Variants in ADAMTSL1 observed in about 807,000 individuals in gnomAD.
The protein encoded by ADAMTSL1 is ADAMTS-like protein 1.
A neutral mutation model predicts 201.8 loss-of-function variants in ADAMTSL1; 126 were observed. The ratio of observed to expected loss-of-function variants is 0.62; its 90% confidence interval spans 0.54 to 0.72. The LOEUF is 0.72. ADAMTSL1 is among the 30% of genes least tolerant of loss of function. ADAMTSL1 has a pLI of 0.00. For missense variants in ADAMTSL1, 2,679 were observed against 2,277.8 expected, an observed-to-expected ratio of 1.18 and a Z score of -3.59; for synonymous variants, 1,121 against 903.4, an observed-to-expected ratio of 1.24 and a Z score of -4.32.
chr9:18,851,834 A>C (rs1826513934), intron 23 of ADAMTSL1, among the ~76,000 whole-genome samples: 1 of 152,154 alleles, frequency 6.6e-6, no homozygotes, highest in South Asian at 2.1e-4. Context: ...TGTACCAGTT[A>C]AACTCCACCA....
chr9:17,963,737 G>T (rs1432882405), intron 1 of ADAMTSL1, among the ~76,000 whole-genome samples: 1 of 152,096 alleles, frequency 6.6e-6, no homozygotes, highest in African/African-American at 2.4e-5. Context: ...ATGGGCCTTT[G>T]TCCCTCTAGC....
At chr9:18,812,065 C>A (rs1201338973) in intron 20 of ADAMTSL1, among the ~76,000 whole-genome samples, 1 of 152,118 alleles carries the variant, frequency 6.6e-6, no homozygotes, top group Non-Finnish European at 1.5e-5. Context: ...CTGTCATAAT[C>A]TTACTAATAT....
chr9:18,132,159 T>C (rs113535922), intron 1 of ADAMTSL1, among the ~76,000 whole-genome samples: 53 of 152,206 alleles, frequency 3.5e-4, no homozygotes, highest in African/African-American at 1.2e-3. Context: ...ATGCCCTACT[T>C]TACTTCCTGT....
chr9:18,664,730 A>G (rs1829324751), intron 9 of ADAMTSL1, among the ~76,000 whole-genome samples: 1 of 152,078 alleles, frequency 6.6e-6, no homozygotes. Flanking sequence ...TGTCATTGAC[A>G]GCAAAAACCG....
rs201639816 is a variant in ADAMTSL1, at chr9:18,835,269, T to C, written c.4249+5292T>C. Among the ~76,000 whole-genome samples the C allele has an allele frequency of 7.9e-5, 12 of 152,282 alleles. No individual in the cohort carries two copies. In the East Asian group the frequency reaches 2.3e-3, roughly 29 times the overall value. On this transcript the variant is annotated intron_variant, in intron 23 of 28. Transcript: ENST00000380548. ...TTTATTTGCCATCCTGATTTCTTCTTTGGTAAAATGTCTGCTCAATTTTTT... is the reference window on the plus strand; with the variant it reads ...TTTATTTGCCATCCTGATTTCTTCTCTGGTAAAATGTCTGCTCAATTTTTT...
intron 3 of ADAMTSL1, among the ~76,000 whole-genome samples, chr9:18,536,745 G>A (rs1446541607): frequency 1.3e-5 from 2 of 152,186 alleles, no homozygotes; most frequent in Non-Finnish European, 2.9e-5. Flanking sequence ...ATAGGTGTGA[G>A]CTAGCAAACC....
intron 2 of ADAMTSL1, among the ~76,000 whole-genome samples, chr9:18,348,404 G>T (rs978315851): frequency 1.3e-5 from 2 of 152,150 alleles, no homozygotes; most frequent in African/African-American, 4.8e-5. Context: ...TGTTTAGGAT[G>T]AATTTTGGAT....
intron 2 of ADAMTSL1, among the ~76,000 whole-genome samples, chr9:18,285,867 ACT>A (rs1369061987): frequency 6.6e-6 from 1 of 152,128 alleles, no homozygotes; most frequent in African/African-American, 2.4e-5. Context: ...GTACAATAAA[ACT>A]CACCCATTTA....
chr9:18,668,848 G>T (rs980664038), intron 9 of ADAMTSL1, among the ~76,000 whole-genome samples: 2 of 152,168 alleles, frequency 1.3e-5, no homozygotes, highest in Non-Finnish European at 2.9e-5. Flanking sequence ...ACAGTCCCTA[G>T]GTTAGCGGGC....
chr9:17,978,990 G>A (rs1482723634), intron 1 of ADAMTSL1, among the ~76,000 whole-genome samples: 1 of 149,226 alleles, frequency 6.7e-6, no homozygotes, highest in Non-Finnish European at 1.5e-5. Flanking sequence ...CATTTTTCAT[G>A]TGTCACTGCA....
chr9:18,448,028 T>G (rs778422287), intron 2 of ADAMTSL1, among the ~76,000 whole-genome samples: 2 of 132,872 alleles, frequency 1.5e-5, no homozygotes, highest in Admixed American at 7.3e-5. Flanking sequence ...TCTCGCTCTT[T>G]CTCTCTCTCT....
intron 14 of ADAMTSL1, among the ~76,000 whole-genome samples, chr9:18,708,111 A>G (rs1832336372): frequency 6.6e-6 from 1 of 152,202 alleles, no homozygotes; most frequent in Non-Finnish European, 1.5e-5. Context: ...TAACCGGTGG[A>G]AAAAAGCACT....
chr9:18,806,639 T>C (rs1262726372), intron 20 of ADAMTSL1, among the ~76,000 whole-genome samples: 2 of 152,198 alleles, frequency 1.3e-5, no homozygotes, highest in African/African-American at 4.8e-5. Context: ...CAAACACATA[T>C]GTTCAGATTT....
intron 1 of ADAMTSL1, among the ~76,000 whole-genome samples, chr9:17,996,296 CTTGACTGGCT>C (rs1018081445): frequency 6.6e-6 from 1 of 151,970 alleles, no homozygotes; most frequent in African/African-American, 2.4e-5. Flanking sequence ...GAACACAGAC[CTTGACTGGCT>C]TTTCACTTGT....
At chr9:18,737,983 A>G (rs1451643630) in intron 15 of ADAMTSL1, among the ~76,000 whole-genome samples, 2 of 152,310 alleles carry the variant, frequency 1.3e-5, no homozygotes, top group East Asian at 1.9e-4. Context: ...TTGCTTATCT[A>G]TAAGATAAAG....
At chr9:18,006,970 T>C (rs1382907825) in intron 1 of ADAMTSL1, among the ~76,000 whole-genome samples, 1 of 152,028 alleles carries the variant, frequency 6.6e-6, no homozygotes. Flanking sequence ...CTTACGTATT[T>C]GGATTTCATG....
At chr9:18,145,584 A>C (rs1422903050) in intron 1 of ADAMTSL1, among the ~76,000 whole-genome samples, 3 of 152,216 alleles carry the variant, frequency 2.0e-5, no homozygotes, top group Non-Finnish European at 4.4e-5. Flanking sequence ...CACAGACCTC[A>C]TATCTTTCAT....
intron 2 of ADAMTSL1, among the ~76,000 whole-genome samples, chr9:18,181,691 A>T (rs1828486046): frequency 6.6e-6 from 1 of 152,004 alleles, no homozygotes; most frequent in Non-Finnish European, 1.5e-5. Context: ...TGTTGGTGGG[A>T]CTGTAAACTA....
intron 1 of ADAMTSL1, among the ~76,000 whole-genome samples, chr9:17,950,541 A>G (rs576946927): frequency 4.6e-5 from 7 of 151,334 alleles, no homozygotes; most frequent in African/African-American, 1.4e-4. Flanking sequence ...TAAATTTTAT[A>G]TATTATATAT....
Sources: gnomAD v4.1 joint callset for allele counts (sites outside exome capture counted in the v4.1 genomes callset) on GRCh38, gnomAD v4.1.1 for gene constraint, MANE v1.5 for transcripts, NCBI Gene and HGNC (gene_info 2026-07-23, HGNC 2026-07-21) for gene names.